The following APH1B variants were observed in gnomAD, a reference collection of about 807,000 sequenced individuals.
APH1B encodes the protein gamma-secretase subunit APH-1B.
APH1B carries 27 observed loss-of-function variants against 28.2 expected under a neutral mutation model. The ratio of observed to expected loss-of-function variants is 0.96; its 90% CI spans 0.70 to 1.32. The LOEUF is 1.32. Ranked by LOEUF, APH1B falls within the 40% of genes most tolerant of loss-of-function variation. The pLI is 0.00. For missense variants in APH1B, 305 were observed against 313.6 expected (o/e 0.97, Z 0.21); for synonymous variants, 141 against 124.6 (o/e 1.13, Z -0.88).
chr15:63,297,249 G>A (rs1309980135), intron 4 of APH1B, among the ~76,000 whole-genome samples: 1 of 152,196 alleles, frequency 6.6e-6, no homozygotes, highest in African/African-American at 2.4e-5. Context: ...AACAGGCTGG[G>A]CATTATGGCT....
intron 4 of APH1B, among the ~76,000 whole-genome samples, chr15:63,291,148 G>C (rs758550691): frequency 6.6e-6 from 1 of 152,144 alleles, no homozygotes; most frequent in South Asian, 2.1e-4. Flanking sequence ...GTATTTAAGT[G>C]CTTATAAGCT....
chr15:63,297,416 C>G (rs1244445380), intron 4 of APH1B, among the ~76,000 whole-genome samples: 2 of 152,130 alleles, frequency 1.3e-5, no homozygotes, highest in Non-Finnish European at 2.9e-5. Context: ...GTAGTCCCAG[C>G]TACTCAGGAG....
chr15:63,287,436 G>A lies in APH1B; in HGVS notation c.368G>A (p.Gly123Asp), dbSNP rs200818056. 8.7e-6 allele frequency: 14 copies of A among 1,613,724 alleles called. No homozygotes were observed. The highest frequency in any genetic ancestry group is 1.1e-5 in the Non-Finnish European group (13 of 1,179,774). Residue 123 changes from glycine (G) to aspartate (D), a missense_variant, in exon 4 of 6, where the codon GGC (glycine) becomes GAC (aspartate). By Grantham distance (94) the Gly-to-Asp change is moderately conservative. Transcript: ENST00000261879. The stretch of plus-strand genomic sequence containing the variant: ...TCTTCCTGTTTAGTTTCTGGCTTGG[G>A]CTTTGGAATCATGAGTGGAGTATTT... ...MRLLAYVSGLGFGIMSGVFSF... is the reference protein window; with the variant it reads ...MRLLAYVSGLDFGIMSGVFSF...
intron 4 of APH1B, among the ~76,000 whole-genome samples, chr15:63,292,302 C>A (rs1488315867): frequency 1.3e-5 from 2 of 152,214 alleles, no homozygotes; most frequent in Non-Finnish European, 2.9e-5. Context: ...TAAGTTGTCA[C>A]AACTAACTGC....
At chr15:63,289,399 A>G (rs2038479793) in intron 4 of APH1B, among the ~76,000 whole-genome samples, 1 of 152,172 alleles carries the variant, frequency 6.6e-6, no homozygotes, top group African/African-American at 2.4e-5. Context: ...TGCCAGGTAA[A>G]TCCATAACTT....
intron 4 of APH1B, among the ~76,000 whole-genome samples, chr15:63,299,305 T>C (rs1350677622): frequency 1.3e-5 from 2 of 152,194 alleles, no homozygotes; most frequent in African/African-American, 4.8e-5. Context: ...TCAGGGCTAA[T>C]GATGTCTTGA....
At chr15:63,278,218 C>T (rs1175099548) in intron 1 of APH1B, 2 of 442,110 alleles carry the variant, frequency 4.5e-6, no homozygotes, top group African/African-American at 4.2e-5. Flanking sequence ...ATCAGAATGT[C>T]TAGGGGATGG....
Position 63,304,268 on chromosome 15 carries a change from G to T in APH1B, c.607-1346G>T, listed in dbSNP as rs976033874. ...CATGGTCACCCTCAGTGGGGGCAGG[G>T]ACTGGTGGAACAGGGAGGCTCCTGG... is the stretch of plus-strand genomic sequence containing the variant. On this transcript the variant is annotated intron_variant, in intron 5 of 5. Coordinates refer to ENST00000261879, the MANE Select transcript of APH1B (RefSeq NM_031301.4). This position sits in a 1 kb window ranked among gnomAD's most constrained non-coding sequence, Gnocchi z 5.1. Among the ~76,000 whole-genome samples the T allele has an allele frequency of 1.3e-5, 2 of 152,222 alleles. No homozygotes were observed. The highest frequency in any genetic ancestry group is 1.3e-4 in the Admixed American group (2 of 15,282).
rs1161056938 is a variant in APH1B at position 63,286,620 on chromosome 15, T to G, written c.347T>G (p.Leu116Arg). ...GAGACAGCACCCTCTATGCGACTGC[T>G]GGCCTATGGTAAGTTAGAACCACAT... is the stretch of plus-strand genomic sequence containing the variant. ...PGETAPSMRL[L>R]AYVSGLGFGI... Residue 116 changes from leucine (L) to arginine (R), a missense_variant, in exon 3 of 6, where the codon CTG (leucine) becomes CGG (arginine). By Grantham distance (102) the Leu-to-Arg change is moderately radical (BLOSUM62 -2). Transcript: ENST00000261879. 5 of 1,606,660 alleles carry G rather than the reference T, an allele frequency of 3.1e-6. No individual in the cohort carries two copies. In the South Asian group the frequency reaches 5.6e-5, roughly 18 times the overall value.
intron 4 of APH1B, among the ~76,000 whole-genome samples, chr15:63,289,821 A>C (rs2038485713): frequency 6.6e-6 from 1 of 152,194 alleles, no homozygotes; most frequent in Non-Finnish European, 1.5e-5. Flanking sequence ...TGGGCAATAT[A>C]GTGAGACCTT....
At chr15:63,279,844 C>T (rs1426304952) in intron 2 of APH1B, among the ~76,000 whole-genome samples, 2 of 148,878 alleles carry the variant, frequency 1.3e-5, no homozygotes, top group African/African-American at 5.0e-5. Context: ...GTTGCCCAGG[C>T]TGGAGTGCAA....
intron 5 of APH1B, 23 bp downstream of exon 5, chr15:63,302,495 G>C (rs2099258056): frequency 1.9e-6 from 3 of 1,608,248 alleles, no homozygotes; most frequent in African/African-American, 1.3e-5. Context: ...GCCATGCTCA[G>C]ACTGTATTCT....
rs750495408 is a variant in APH1B, at chr15:63,279,319, A to C, written c.272A>C (p.Tyr91Ser). 1.2e-6 allele frequency: 2 copies of C among 1,601,472 alleles called. No individual in the cohort carries two copies. Among genetic ancestry groups the C allele is most frequent in the African/African-American group, 2.7e-5 (2 of 74,704 alleles). ...CAAGAAATGTTCCGATTTGCATATT[A>C]TAAACTCTTAAAGTAAGTTAAATAC... ...YIQEMFRFAY[Y>S]KLLKKASEGL... Residue 91 changes from tyrosine to serine, a missense_variant, in exon 2 of 6, where the codon TAT (tyrosine) becomes TCT (serine). Coordinates refer to ENST00000261879, the MANE Select transcript of APH1B (RefSeq NM_031301.4).
At chr15:63,295,972 G>A (rs1270666655) in intron 4 of APH1B, among the ~76,000 whole-genome samples, 6 of 152,184 alleles carry the variant, frequency 3.9e-5, no homozygotes, top group African/African-American at 1.4e-4. Flanking sequence ...TAATTCTTCA[G>A]CATTTTCTAG....
In APH1B at chr15:63,287,504, G is replaced by A. The variant is rs765744536; in HGVS notation, c.436G>A (p.Val146Met). 9 of 1,613,858 alleles carry A rather than the reference G, an allele frequency of 5.6e-6. No homozygotes were observed. In the East Asian group the frequency reaches 1.8e-4, roughly 32 times the overall value. ...ATCTGACTCCTTGGGGCCAGGCACA[G>A]TGGGCATTCATGGAGATTCTCCTCA... ...TLSDSLGPGT[V>M]GIHGDSPQFF... Residue 146 changes from valine (V) to methionine (M), a missense_variant, in exon 4 of 6, where the codon GTG becomes ATG. By Grantham distance (21) the Val-to-Met change is conservative. Transcript: ENST00000261879.
At chr15:63,295,057 G>A (rs555386489) in intron 4 of APH1B, among the ~76,000 whole-genome samples, 1 of 152,240 alleles carries the variant, frequency 6.6e-6, no homozygotes, top group East Asian at 1.9e-4. Flanking sequence ...CATTCCAACT[G>A]TAAACCTTAC....
chr15:63,298,556 A>G (rs2038591886), intron 4 of APH1B, among the ~76,000 whole-genome samples: 1 of 152,232 alleles, frequency 6.6e-6, no homozygotes, highest in Non-Finnish European at 1.5e-5. Context: ...AGACTTGGAT[A>G]TAAATGGTCA....
At chr15:63,287,279 G>T in intron 3 of APH1B, 145 bp from the exon 4 acceptor site, 1 of 1,052,602 alleles carries the variant, frequency 9.5e-7, no homozygotes, top group Non-Finnish European at 1.4e-6. Flanking sequence ...CCAAGCACAT[G>T]CCTCTCCAGA....
Position 63,304,309 on chromosome 15 carries a change from T to A in APH1B, c.607-1305T>A, listed in dbSNP as rs2038664830. On this transcript the variant is annotated intron_variant, in intron 5 of 5. Transcript: ENST00000261879. This position sits in a 1 kb window ranked among gnomAD's most constrained non-coding sequence, Gnocchi z 5.1. ...AGGCTCCTGGGGGCTGAGAATGTTT[T>A]GATTTTCATCTAGGTGCTAGTTACA... Among the ~76,000 whole-genome samples, 3 of 152,200 alleles carry A rather than the reference T, an allele frequency of 2.0e-5. No homozygotes were observed. Among genetic ancestry groups the A allele is most frequent in the African/African-American group, 7.2e-5 (3 of 41,430 alleles).
Sources: allele counts gnomAD v4.1 joint callset (sites outside exome capture counted in the v4.1 genomes callset), GRCh38; gene constraint gnomAD v4.1.1; non-coding constraint Gnocchi (gnomAD v3.1); transcripts MANE v1.5; gene names NCBI Gene and HGNC (gene_info 2026-07-23, HGNC 2026-07-21).